The following MYO3B variants were observed in gnomAD, a reference collection of about 807,000 sequenced individuals.
MYO3B encodes the protein myosin IIIB.
Under a neutral mutation model 174.6 loss-of-function variants are expected in MYO3B, and 156 were observed. The observed-to-expected ratio is 0.89, with a 90% CI of 0.78 to 1.02. The LOEUF (loss-of-function observed/expected upper bound fraction) is 1.02, where lower values mean the gene tolerates loss of function less well. MYO3B is among the 50% of genes least tolerant of loss of function. MYO3B has a pLI of 0.00. For synonymous variants in MYO3B, 563 were observed against 569.1 expected, an observed-to-expected ratio of 0.99 and a Z score of 0.15; for missense variants, 1,632 against 1,639.4, an observed-to-expected ratio of 1.00 and a Z score of 0.08.
intron 22 of MYO3B, among the ~76,000 whole-genome samples, chr2:170,432,630 G>A (rs2094719167): frequency 6.6e-6 from 1 of 150,626 alleles, no homozygotes; most frequent in Admixed American, 6.6e-5. Context: ...AGGCTGGAGT[G>A]CAGTGGCACG....
intron 7 of MYO3B, among the ~76,000 whole-genome samples, chr2:170,315,362 A>G (rs1574771466): frequency 6.6e-6 from 1 of 151,054 alleles, no homozygotes; most frequent in Admixed American, 6.6e-5. Context: ...CCCAGGATGG[A>G]GTGCAGTGGC....
rs146534459 is a variant in MYO3B at position 170,321,515 on chromosome 2, C to T, written c.750-13870C>T. 5.9e-5 allele frequency among the ~76,000 whole-genome samples: 9 copies of T among 152,120 alleles called. No homozygotes were observed. The East Asian group carries it at 7.7e-4, about 13-fold the overall frequency. On this transcript the variant is annotated intron_variant, in intron 7 of 34. Coordinates refer to ENST00000408978, the MANE Select transcript of MYO3B (RefSeq NM_138995.5). ...AAGAACTACTTATCTTAGTTCCTTGCGAATGAACTTGAACACCTTAATGAA... is the reference window on the plus strand; with the variant it reads ...AAGAACTACTTATCTTAGTTCCTTGTGAATGAACTTGAACACCTTAATGAA...
At chr2:170,282,219 G>A (rs369381405) in intron 7 of MYO3B, among the ~76,000 whole-genome samples, 13 of 152,208 alleles carry the variant, frequency 8.5e-5, no homozygotes, top group African/African-American at 3.1e-4. Context: ...TTTTCTTCTA[G>A]TAGTTTTATA....
chr2:170,367,771 A>G (rs2094209838), intron 8 of MYO3B, among the ~76,000 whole-genome samples: 3 of 152,224 alleles, frequency 2.0e-5, no homozygotes, highest in Admixed American at 2.0e-4. Context: ...CTTAAAGCAT[A>G]TGCACTGATT....
intron 7 of MYO3B, among the ~76,000 whole-genome samples, chr2:170,244,037 C>T (rs2093164204): frequency 6.6e-6 from 1 of 152,138 alleles, no homozygotes; most frequent in Non-Finnish European, 1.5e-5. Flanking sequence ...GTCTCCACTG[C>T]CATGATGTCT....
chr2:170,579,654 G>A (rs1693003710), intron 32 of MYO3B, among the ~76,000 whole-genome samples: 1 of 152,222 alleles, frequency 6.6e-6, no homozygotes, highest in African/African-American at 2.4e-5. Flanking sequence ...AGTTGTCAGG[G>A]CCATTGTCAG....
intron 7 of MYO3B, among the ~76,000 whole-genome samples, chr2:170,327,870 TATATAC>T (rs1177213469): frequency 9.8e-6 from 1 of 102,024 alleles, no homozygotes; most frequent in East Asian, 3.7e-4. Flanking sequence ...CATATATATA[TATATAC>T]ACTATATATA....
At chr2:170,322,907 C>A (rs2093839222) in intron 7 of MYO3B, among the ~76,000 whole-genome samples, 1 of 152,128 alleles carries the variant, frequency 6.6e-6, no homozygotes, top group Admixed American at 6.5e-5. Flanking sequence ...CCATTAGAGA[C>A]AATGTGGTAG....
intron 32 of MYO3B, among the ~76,000 whole-genome samples, chr2:170,633,287 T>C (rs576310307): frequency 1.3e-5 from 2 of 152,342 alleles, no homozygotes; most frequent in South Asian, 2.1e-4. Context: ...TCAATTTGGA[T>C]TCATCCCTGG....
intron 7 of MYO3B, among the ~76,000 whole-genome samples, chr2:170,320,781 C>G (rs780980025): frequency 2.0e-5 from 3 of 151,956 alleles, no homozygotes; most frequent in Non-Finnish European, 2.9e-5. Context: ...GACCACAATG[C>G]ATTACAACTG....
chr2:170,418,692 C>G (rs920314051), intron 22 of MYO3B, among the ~76,000 whole-genome samples: 1 of 152,182 alleles, frequency 6.6e-6, no homozygotes, highest in African/African-American at 2.4e-5. Flanking sequence ...GTTGTTACCT[C>G]CATCCCCTGG....
chr2:170,273,737 A>G (rs1019455455), intron 7 of MYO3B, among the ~76,000 whole-genome samples: 2 of 71,878 alleles, frequency 2.8e-5, no homozygotes, highest in African/African-American at 8.9e-5. Context: ...AAACCCGTCA[A>G]GCAGGATTGG....
chr2:170,461,704 A>G (rs1428012914), intron 23 of MYO3B, among the ~76,000 whole-genome samples: 4 of 151,842 alleles, frequency 2.6e-5, no homozygotes, highest in African/African-American at 9.7e-5. Flanking sequence ...TGAATCTGGC[A>G]GATGGTGGTT....
chr2:170,417,075 C>T (rs1031275724), intron 22 of MYO3B, among the ~76,000 whole-genome samples: 6 of 152,110 alleles, frequency 3.9e-5, no homozygotes, highest in East Asian at 1.9e-4. Flanking sequence ...CTGCCTGCCT[C>T]GGCCTCCCAA....
chr2:170,445,255 TG>T (rs1311400076), intron 23 of MYO3B, among the ~76,000 whole-genome samples: 9 of 152,216 alleles, frequency 5.9e-5, no homozygotes, highest in Non-Finnish European at 1.3e-4. Flanking sequence ...AACACATGCC[TG>T]AACAATAAGT....
chr2:170,649,420 A>T (rs1208959846), intron 32 of MYO3B, among the ~76,000 whole-genome samples: 1 of 82,026 alleles, frequency 1.2e-5, no homozygotes, highest in Non-Finnish European at 2.4e-5. Flanking sequence ...TTACATATAA[A>T]ATATATATAA....
chr2:170,605,753 G>A (rs1559153386), intron 32 of MYO3B, among the ~76,000 whole-genome samples: 2 of 151,966 alleles, frequency 1.3e-5, no homozygotes, highest in Admixed American at 6.6e-5. Context: ...CCAGCTACTC[G>A]GGAGGTTGAG....
intron 7 of MYO3B, among the ~76,000 whole-genome samples, chr2:170,314,074 T>A (rs1416667858): frequency 6.6e-6 from 1 of 152,180 alleles, no homozygotes; most frequent in African/African-American, 2.4e-5. Flanking sequence ...CCCCTGCCAA[T>A]GCCATTTTCA....
chr2:170,253,166 G>C (rs141138207), intron 7 of MYO3B, among the ~76,000 whole-genome samples: 1 of 152,288 alleles, frequency 6.6e-6, no homozygotes, highest in East Asian at 1.9e-4. Context: ...AAGGTAAGAG[G>C]CTCTTGTCAT....
Sources: allele counts gnomAD v4.1 joint callset (sites outside exome capture counted in the v4.1 genomes callset), GRCh38; gene constraint gnomAD v4.1.1; transcripts MANE v1.5; gene names NCBI Gene and HGNC (gene_info 2026-07-23, HGNC 2026-07-21).